DYNC2H1: variants seen among roughly 807,000 people sequenced by gnomAD.
The protein encoded by DYNC2H1 is dynein cytoplasmic 2 heavy chain 1.
A neutral mutation model predicts 570.0 loss-of-function variants in DYNC2H1; 410 were observed. The observed-to-expected ratio is 0.72, with a 90% CI of 0.66 to 0.78. The LOEUF is 0.78. Ranked by LOEUF, DYNC2H1 falls within the 30% of genes least tolerant of loss-of-function variation. The pLI is 0.00. For missense variants in DYNC2H1, 4,865 were observed against 5,046.4 expected, an observed-to-expected ratio of 0.96 and a Z score of 1.09; for synonymous variants, 1,688 against 1,677.6, an observed-to-expected ratio of 1.01 and a Z score of -0.15.
At chr11:103,378,430 C>G (rs916284948) in intron 83 of DYNC2H1, among the ~76,000 whole-genome samples, 1 of 152,166 alleles carries the variant, frequency 6.6e-6, no homozygotes, top group Admixed American at 6.5e-5. Context: ...AATCAATACA[C>G]TTACTCAAAA....
Position 103,109,640 on chromosome 11 carries a change from G to T in DYNC2H1, c.66G>T (p.Gly22=). ...FIFTTTQNYF[G]LMSELWDQPL... is the part of the protein sequence containing the mutation. ...TCACTACTACCCAGAATTACTTCGG[G>T]TTGATGTCTGAACTCTGGGATCAGC... Residue 22 remains glycine (G), a synonymous_variant, in exon 1 of 89, where the codon GGG becomes GGT. Coordinates refer to ENST00000375735, the MANE Select transcript of DYNC2H1 (RefSeq NM_001377.3). 6.2e-7 allele frequency: 1 copy of T among 1,613,924 alleles called. No individual in the cohort carries two copies. Among genetic ancestry groups the T allele is most frequent in the Non-Finnish European group, 8.5e-7 (1 of 1,179,874 alleles).
intron 70 of DYNC2H1, among the ~76,000 whole-genome samples, chr11:103,271,492 T>A (rs951518160): frequency 8.5e-5 from 13 of 152,304 alleles, no homozygotes; most frequent in Middle Eastern, 3.4e-3. Context: ...TTGAACATAT[T>A]TGAAAGCAAT....
intron 87 of DYNC2H1, among the ~76,000 whole-genome samples, chr11:103,463,373 A>C (rs1019711469): frequency 6.6e-6 from 1 of 152,200 alleles, no homozygotes; most frequent in East Asian, 1.9e-4. Context: ...TAAATGTTAC[A>C]TAGGACTATA....
At chr11:103,455,939 A>G (rs1229062100) in intron 86 of DYNC2H1, among the ~76,000 whole-genome samples, 2 of 152,160 alleles carry the variant, frequency 1.3e-5, no homozygotes, top group African/African-American at 2.4e-5. Flanking sequence ...GTATTGCTTC[A>G]GGCTATTATA....
chr11:103,209,976 A>G lies in DYNC2H1; in HGVS notation c.8539+16A>G. On this transcript the variant is annotated intron_variant, in intron 53 of 88. Coordinates refer to ENST00000375735, the MANE Select transcript of DYNC2H1 (RefSeq NM_001377.3). The surrounding 1 kb of genome is among the most constrained non-coding windows in gnomAD (Gnocchi z 4.2). ...AAAAATTCAGGTAGTATTTTGATAA[A>G]ATCAGTTTGATCTGGTTTTTATTTA... 6.8e-7 allele frequency: 1 copy of G among 1,464,368 alleles called. No homozygotes were observed. Among genetic ancestry groups the G allele is most frequent in the Admixed American group, 2.5e-5 (1 of 39,366 alleles). 90.7% of individuals were successfully genotyped at this position (1,464,368 alleles called of 1,614,324 possible). A position where few individuals can be genotyped will look rare whatever the true frequency, so the allele number is the denominator to read the frequency against.
rs1859394033 is a variant in DYNC2H1, at chr11:103,133,805, A to T, written c.2106+98A>T. 1 of 1,262,588 alleles carries T rather than the reference A, an allele frequency of 7.9e-7. No homozygotes were observed. The highest frequency in any genetic ancestry group is 2.6e-5 in the East Asian group (1 of 37,898). 78.2% of individuals were successfully genotyped at this position (1,262,588 alleles called of 1,614,324 possible). A position where few individuals can be genotyped will look rare whatever the true frequency, so the allele number is the denominator to read the frequency against. On this transcript the variant is annotated intron_variant, in intron 14 of 88. Coordinates refer to ENST00000375735, the MANE Select transcript of DYNC2H1 (RefSeq NM_001377.3). The surrounding 1 kb of genome is among the most constrained non-coding windows in gnomAD (Gnocchi z 4.8). ...AAAACTTATTTTGAAATAATTTGAG[A>T]CTTAAAGTTACAAAAATAGTACAGA...
At position 103,167,679 on chromosome 11, in the gene DYNC2H1, A is replaced by G. The variant is rs549623553; in HGVS notation, c.4763-1076A>G. The stretch of plus-strand genomic sequence containing the variant: ...AATTGAGATTTTCTTGGTTCTTTGC[A>G]TGTTGAATAATTTTGGATGATACCA... On this transcript the variant is annotated intron_variant, in intron 31 of 88. Coordinates refer to ENST00000375735, the MANE Select transcript of DYNC2H1 (RefSeq NM_001377.3). Among the ~76,000 whole-genome samples, 31 of 152,226 alleles carry G rather than the reference A, an allele frequency of 2.0e-4. 1 individual carries two copies. The South Asian group carries it at 6.0e-3, about 30-fold the overall frequency.
intron 82 of DYNC2H1, among the ~76,000 whole-genome samples, chr11:103,336,331 C>T (rs3910093): frequency 0.26 from 39,314 of 152,014 alleles, 5,316 homozygotes; most frequent in Admixed American, 0.34. Flanking sequence ...TTGAAATATA[C>T]GATAAATTAT....
At chr11:103,383,664 C>T (rs937278405) in intron 83 of DYNC2H1, among the ~76,000 whole-genome samples, 2 of 151,248 alleles carry the variant, frequency 1.3e-5, no homozygotes, top group Non-Finnish European at 2.9e-5. Context: ...TTAGTAGGGA[C>T]GGGGTTTCAC....
chr11:103,280,454 A>T lies in DYNC2H1; in HGVS notation c.10761+41A>T. On this transcript the variant is annotated intron_variant, in intron 71 of 88. Transcript: ENST00000375735. The surrounding 1 kb of genome is among the most constrained non-coding windows in gnomAD (Gnocchi z 4.7). ...GGAGAGAAATTTTACAGTAACATAG[A>T]AATTTGTTAATGGGTGGATTTATGT... The T allele has an allele frequency of 6.7e-7, 1 of 1,486,256 alleles. No individual in the cohort carries two copies. The allele number at this position is 1,486,256 out of a possible 1,614,324, so 92.1% of individuals were successfully genotyped here.
chr11:103,467,954 A>ATTTGTTACC (rs1475417726), intron 87 of DYNC2H1, among the ~76,000 whole-genome samples: 1 of 152,182 alleles, frequency 6.6e-6, no homozygotes, highest in Admixed American at 6.5e-5. Flanking sequence ...CTGACTCTAC[A>ATTTGTTACC]TTTGTTACCT....
rs770524713 is a variant in DYNC2H1 at position 103,168,758 on chromosome 11, C to T, written c.4766C>T (p.Ser1589Leu). ...CAATATTTTTATTTCTGCCTAGAAT[C>T]GGGCATCCTGGAGCTTAAACTTAAA... ...TSSEDPGNTE[S>L]GILELKLKAL... The change falls in exon 32 of 89, where the codon TCG becomes TTG. Residue 1589 changes from serine to leucine, a missense_variant. Coordinates refer to ENST00000375735, the MANE Select transcript of DYNC2H1 (RefSeq NM_001377.3). 30 of 1,611,652 alleles carry T rather than the reference C, an allele frequency of 1.9e-5. No homozygotes were observed. Among genetic ancestry groups the T allele is most frequent in the East Asian group, 6.7e-5 (3 of 44,712 alleles).
chr11:103,237,388 G>A (rs955798846), intron 63 of DYNC2H1, among the ~76,000 whole-genome samples: 9 of 151,840 alleles, frequency 5.9e-5, no homozygotes, highest in African/African-American at 2.2e-4. Context: ...TATTTTAGGT[G>A]CTGTTCATTA....
chr11:103,169,034 A>G, intron 32 of DYNC2H1, 74 bp downstream of exon 32: 1 of 1,310,764 alleles, frequency 7.6e-7, no homozygotes, highest in Non-Finnish European at 1.0e-6. Flanking sequence ...TATTGGTAGA[A>G]ATACTTTTTT....
At position 103,170,076 on chromosome 11, in the gene DYNC2H1, G is replaced by T; in HGVS notation, c.4969-32G>T. On this transcript the variant is annotated intron_variant, in intron 32 of 88. Coordinates refer to ENST00000375735, the MANE Select transcript of DYNC2H1 (RefSeq NM_001377.3). This position sits in a 1 kb window ranked among gnomAD's most constrained non-coding sequence, Gnocchi z 4.8. Reference sequence around the variant, plus strand: ...TATTTGTAAATGTTGAATAGAACATGAATACTCTGACTTTGTGTTGTTCTT... The same window carrying T: ...TATTTGTAAATGTTGAATAGAACATTAATACTCTGACTTTGTGTTGTTCTT... 1.3e-6 allele frequency: 2 copies of T among 1,553,684 alleles called. No homozygotes were observed. Among genetic ancestry groups the T allele is most frequent in the Admixed American group, 1.9e-5 (1 of 53,548 alleles).
chr11:103,130,026 G>A (rs896244764), intron 13 of DYNC2H1, among the ~76,000 whole-genome samples: 3 of 152,154 alleles, frequency 2.0e-5, no homozygotes, highest in African/African-American at 7.2e-5. Flanking sequence ...ATGGGGTGAA[G>A]TCCCAAGAAA....
intron 58 of DYNC2H1, 131 bp from the exon 59 acceptor site, chr11:103,222,834 T>A: frequency 1.0e-6 from 1 of 970,908 alleles, no homozygotes; most frequent in Non-Finnish European, 1.5e-6. Flanking sequence ...TATTTTTATT[T>A]TAGCTATAAG....
intron 70 of DYNC2H1, among the ~76,000 whole-genome samples, chr11:103,272,204 C>G (rs887381751): frequency 2.0e-5 from 3 of 152,108 alleles, no homozygotes; most frequent in Non-Finnish European, 4.4e-5. Context: ...CTGGATTAAG[C>G]AAATGTGGCA....
In DYNC2H1 at chr11:103,323,989, AGGT is replaced by A. The variant is rs1325355073; in HGVS notation, c.12039_12039+2del. The A allele has an allele frequency of 6.3e-7, 1 of 1,578,400 alleles. No homozygotes were observed. Among genetic ancestry groups the A allele is most frequent in the Admixed American group, 1.9e-5 (1 of 52,780 alleles). The stretch of plus-strand genomic sequence containing the variant: ...TCATCTCAGCGCATGATCAGTTCTC[AGGT>A]AACCTAAAAAAAAGATCTACCTTCA... On this transcript the variant is annotated splice_donor_variant and coding_sequence_variant, in exon 82 of 89. Coordinates refer to ENST00000375735, the MANE Select transcript of DYNC2H1 (RefSeq NM_001377.3). LOFTEE classifies it high-confidence loss of function.
Sources: allele counts gnomAD v4.1 joint callset (sites outside exome capture counted in the v4.1 genomes callset), GRCh38; gene constraint gnomAD v4.1.1; non-coding constraint Gnocchi (gnomAD v3.1); transcripts MANE v1.5; gene names NCBI Gene and HGNC (gene_info 2026-07-23, HGNC 2026-07-21).